Variants in PCBP3 observed in about 807,000 individuals in gnomAD.
PCBP3 encodes the protein poly(rC) binding protein 3.
A neutral mutation model predicts 52.7 loss-of-function variants in PCBP3; 25 were observed. That is an observed-to-expected ratio of 0.47 (90% CI 0.35 to 0.66). The LOEUF (loss-of-function observed/expected upper bound fraction) is 0.66, where lower values mean the gene tolerates loss of function less well. PCBP3 is among the 30% of genes least tolerant of loss of function. PCBP3 has a pLI of 0.01. For synonymous variants in PCBP3, 162 were observed against 183.0 expected, an observed-to-expected ratio of 0.89 and a Z score of 0.93; for missense variants, 391 against 490.3, an observed-to-expected ratio of 0.80 and a Z score of 1.91.
chr21:45,851,240 C>T (rs185682644), intron 5 of PCBP3, among the ~76,000 whole-genome samples: 64 of 152,302 alleles, frequency 4.2e-4, no homozygotes, highest in African/African-American at 1.3e-3. Context: ...AAGGGCCGGG[C>T]GTGGTGGCTC....
intron 5 of PCBP3, among the ~76,000 whole-genome samples, chr21:45,881,168 A>G (rs927980653): frequency 6.6e-6 from 1 of 152,140 alleles, no homozygotes; most frequent in East Asian, 1.9e-4. Flanking sequence ...TTCTGCATGC[A>G]TTGATATGAT....
At chr21:45,923,520 T>A (rs1383779711) in intron 13 of PCBP3, among the ~76,000 whole-genome samples, 1 of 152,154 alleles carries the variant, frequency 6.6e-6, no homozygotes, top group East Asian at 1.9e-4. Context: ...ATGCTGTTCC[T>A]CCCAGCTTGC....
Position 45,737,155 on chromosome 21 carries a change from A to T in PCBP3, c.-162+1726A>T, listed in dbSNP as rs1273235160. Among the ~76,000 whole-genome samples the T allele has an allele frequency of 1.3e-5, 2 of 152,044 alleles. No homozygotes were observed. The highest frequency in any genetic ancestry group is 3.9e-4 in the East Asian group (2 of 5,164). Reference sequence around the variant, plus strand: ...GGAGGTGAGGGTGCAGCTGGGGCACATCAGGGGTCTCACAGGTCATCCCGA... The same window carrying T: ...GGAGGTGAGGGTGCAGCTGGGGCACTTCAGGGGTCTCACAGGTCATCCCGA... On this transcript the variant is annotated intron_variant, in intron 3 of 17. Transcript: ENST00000681687. The surrounding 1 kb of genome is among the most constrained non-coding windows in gnomAD (Gnocchi z 4.9).
intron 5 of PCBP3, among the ~76,000 whole-genome samples, chr21:45,883,900 T>G (rs537187045): frequency 6.6e-6 from 1 of 152,346 alleles, no homozygotes; most frequent in South Asian, 2.1e-4. Context: ...TATTGAGATG[T>G]TAGGGCTTAA....
intron 2 of PCBP3, among the ~76,000 whole-genome samples, chr21:45,705,088 A>C (rs2083369233): frequency 6.6e-6 from 1 of 152,182 alleles, no homozygotes; most frequent in African/African-American, 2.4e-5. Context: ...AGGCCCTTGC[A>C]GCCTCTTTTC....
At chr21:45,862,034 T>C (rs1034206523) in intron 5 of PCBP3, among the ~76,000 whole-genome samples, 1 of 152,140 alleles carries the variant, frequency 6.6e-6, no homozygotes, top group African/African-American at 2.4e-5. Flanking sequence ...TGTGTCCCCA[T>C]GGTGGATGGG....
At chr21:45,755,228 T>G (rs2087918334) in intron 3 of PCBP3, among the ~76,000 whole-genome samples, 189 bp from the exon 4 acceptor site, 1 of 152,212 alleles carries the variant, frequency 6.6e-6, no homozygotes, top group Admixed American at 6.5e-5. Flanking sequence ...CTTTATCCCT[T>G]GCCCATGATA....
rs138226209 is a variant in PCBP3, at chr21:45,667,075, G to GTTCTTTCT, written c.-278-1772_-278-1765dup. ...TGAGAGTTTCATTATGCATCTGTTTGTTCTTTCTTTCTTTCTTTCTTTCTT... is the reference window on the plus strand; with the variant it reads ...TGAGAGTTTCATTATGCATCTGTTTGTTCTTTCTTTCTTTCTTTCTTTCTTTCTTTCTT... On this transcript the variant is annotated intron_variant, in intron 1 of 17. Transcript: ENST00000681687. Among the ~76,000 whole-genome samples the GTTCTTTCT allele has an allele frequency of 1.3e-3, 199 of 147,666 alleles. 1 individual carries two copies. The highest frequency in any genetic ancestry group is 3.0e-3 in the African/African-American group (117 of 39,596).
At chr21:45,808,988 A>G (rs976395603) in intron 4 of PCBP3, among the ~76,000 whole-genome samples, 4 of 152,188 alleles carry the variant, frequency 2.6e-5, no homozygotes, top group African/African-American at 9.7e-5. Context: ...GAGTTGAACA[A>G]TGAGAACACA....
At chr21:45,713,163 G>A (rs1204270737) in intron 2 of PCBP3, among the ~76,000 whole-genome samples, 3 of 152,198 alleles carry the variant, frequency 2.0e-5, no homozygotes, top group African/African-American at 7.2e-5. Context: ...ACTTCCAGTA[G>A]TAATGAATTC....
At chr21:45,916,504 G>A (rs2073444050) in intron 12 of PCBP3, 1 of 152,326 alleles carries the variant, frequency 6.6e-6, no homozygotes. Flanking sequence ...TTAACTCCGA[G>A]GATTGGGTTG....
At chr21:45,812,546 C>T (rs567161981) in intron 4 of PCBP3, among the ~76,000 whole-genome samples, 4 of 152,290 alleles carry the variant, frequency 2.6e-5, no homozygotes, top group South Asian at 2.1e-4. Flanking sequence ...GCTGGGATGA[C>T]GCCCACCAAC....
intron 5 of PCBP3, among the ~76,000 whole-genome samples, chr21:45,877,267 G>A (rs141934033): frequency 1.0e-3 from 157 of 152,298 alleles, no homozygotes; most frequent in Non-Finnish European, 1.7e-3. Flanking sequence ...GTGTCACCTC[G>A]TGTAAAACGG....
At chr21:45,867,443 C>T (rs1164361204) in intron 5 of PCBP3, among the ~76,000 whole-genome samples, 1 of 152,232 alleles carries the variant, frequency 6.6e-6, no homozygotes, top group Non-Finnish European at 1.5e-5. Context: ...CAGGGTGTGC[C>T]GCTACGGGGT....
At chr21:45,776,713 A>G (rs896999223) in intron 4 of PCBP3, among the ~76,000 whole-genome samples, 23 of 152,092 alleles carry the variant, frequency 1.5e-4, no homozygotes, top group Admixed American at 1.4e-3. Context: ...TTTGTACAAA[A>G]TATTTTTTTC....
At chr21:45,898,386 A>ACAGACCCCTGTGCTCGCCATCCTGACG (rs2095894683) in intron 6 of PCBP3, among the ~76,000 whole-genome samples, 1 of 63,372 alleles carries the variant, frequency 1.6e-5, no homozygotes, top group East Asian at 6.9e-4. Flanking sequence ...CCGTCCTCAC[A>ACAGACCCCTGTGCTCGCCATCCTGACG]GCCTCCCTCT....
intron 3 of PCBP3, among the ~76,000 whole-genome samples, chr21:45,754,905 G>T (rs551871332): frequency 1.3e-5 from 2 of 152,240 alleles, no homozygotes; most frequent in East Asian, 1.9e-4. Flanking sequence ...ATTTTACTAT[G>T]ATGTATTTAG....
chr21:45,901,880 A>C (rs1243265809), intron 9 of PCBP3, among the ~76,000 whole-genome samples: 1 of 152,272 alleles, frequency 6.6e-6, no homozygotes, highest in Non-Finnish European at 1.5e-5. Flanking sequence ...AGATGCATTT[A>C]GTGTCTTTGA....
At chr21:45,706,053 T>C (rs1370820075) in intron 2 of PCBP3, among the ~76,000 whole-genome samples, 1 of 152,260 alleles carries the variant, frequency 6.6e-6, no homozygotes, top group Non-Finnish European at 1.5e-5. Context: ...TCAAAGAGTC[T>C]TTTCCACCTT....
Sources: allele counts gnomAD v4.1 joint callset (sites outside exome capture counted in the v4.1 genomes callset), GRCh38; gene constraint gnomAD v4.1.1; non-coding constraint Gnocchi (gnomAD v3.1); transcripts MANE v1.5; gene names NCBI Gene and HGNC (gene_info 2026-07-23, HGNC 2026-07-21).